The following FGFR1 variants were observed in gnomAD, a reference collection of about 807,000 sequenced individuals.
The protein encoded by FGFR1 is FGFR1/PLAG1 fusion.
In FGFR1, 18 loss-of-function variants were observed where a neutral mutation model predicts 93.7. That is an observed-to-expected ratio of 0.19 (90% CI 0.13 to 0.28). The LOEUF (loss-of-function observed/expected upper bound fraction) is 0.28. FGFR1 is among the 10% of genes least tolerant of loss of function. FGFR1 has a pLI of 1.00. For missense variants in FGFR1, 731 were observed against 1,080.4 expected (o/e 0.68, Z 4.53); for synonymous variants, 448 against 429.3 (o/e 1.04, Z -0.54).
chr8:38,467,036 AACGGT>A (rs932472422), intron 1 of FGFR1, among the ~76,000 whole-genome samples: 4 of 152,010 alleles, frequency 2.6e-5, no homozygotes, highest in Non-Finnish European at 4.4e-5. Context: ...CCCCAAACAT[AACGGT>A]AGGGGAAGCG....
rs1338752859 is a variant in FGFR1, at chr8:38,468,196, C to G, written c.-304G>C. The G allele has an allele frequency of 1.3e-5, 3 of 228,600 alleles. No homozygotes were observed. The highest frequency in any genetic ancestry group is 2.2e-5 in the African/African-American group (1 of 45,018). 14.2% of individuals were successfully genotyped at this position (228,600 alleles called of 1,614,324 possible). Reference sequence around the variant, plus strand: ...AACAATGGAGCCGGAGCTGGTGCCCCGGAGGCGGGGCGGGGGGAGGGCTCC... The same window carrying G: ...AACAATGGAGCCGGAGCTGGTGCCCGGGAGGCGGGGCGGGGGGAGGGCTCC... On this transcript the variant is annotated 5_prime_UTR_variant, in exon 1 of 18. Coordinates refer to ENST00000447712, the MANE Select transcript of FGFR1 (RefSeq NM_023110.3).
At chr8:38,442,165 C>T (rs1387059471) in intron 2 of FGFR1, among the ~76,000 whole-genome samples, 7 of 152,076 alleles carry the variant, frequency 4.6e-5, no homozygotes, top group Admixed American at 1.3e-4. Context: ...TAGAAAGCTC[C>T]CAGGATCTGG....
At chr8:38,456,045 G>C (rs1832729723) in intron 2 of FGFR1, among the ~76,000 whole-genome samples, 1 of 152,096 alleles carries the variant, frequency 6.6e-6, no homozygotes, top group South Asian at 2.1e-4. Flanking sequence ...CTTCTATAAA[G>C]TCTCACACAA....
In FGFR1 at chr8:38,424,765, C is replaced by G; in HGVS notation, c.746-66G>C. The G allele has an allele frequency of 1.3e-6, 2 of 1,537,988 alleles. No individual in the cohort carries two copies. The highest frequency in any genetic ancestry group is 1.8e-6 in the Non-Finnish European group (2 of 1,126,792). ...TGCCATGGCTAAAGAGGGGTGGGCTCACCTGCGCCCCACTTGGCTTTCCCA... is the reference window on the plus strand; with the variant it reads ...TGCCATGGCTAAAGAGGGGTGGGCTGACCTGCGCCCCACTTGGCTTTCCCA... On this transcript the variant is annotated intron_variant, in intron 6 of 17. Transcript: ENST00000447712. The surrounding 1 kb of genome is among the most constrained non-coding windows in gnomAD (Gnocchi z 4.3).
intron 8 of FGFR1, 106 bp from the exon 9 acceptor site, chr8:38,419,841 T>C (rs1188415169): frequency 7.4e-6 from 7 of 940,236 alleles, no homozygotes; most frequent in Non-Finnish European, 1.2e-5. Context: ...TGGGAACTTT[T>C]AGGGAGAAGA....
intron 2 of FGFR1, chr8:38,440,295 T>G: frequency 6.2e-7 from 1 of 1,603,266 alleles, no homozygotes; most frequent in African/African-American, 1.3e-5. Flanking sequence ...GAAATGGAAC[T>G]GAAAACTTAC....
rs569502868 is a variant in FGFR1 at position 38,419,879 on chromosome 8, G to T, written c.1082-144C>A. On this transcript the variant is annotated intron_variant, in intron 8 of 17. Coordinates refer to ENST00000447712, the MANE Select transcript of FGFR1 (RefSeq NM_023110.3). Reference sequence around the variant, plus strand: ...CATGGCAAGTTCTAGCTAGGACTGGGATTGTGGCACTAGGAGGATCAGGCA... The same window carrying T: ...CATGGCAAGTTCTAGCTAGGACTGGTATTGTGGCACTAGGAGGATCAGGCA... 1.3e-5 allele frequency: 9 copies of T among 678,208 alleles called. No homozygotes were observed. In the East Asian group the frequency reaches 1.6e-4, roughly 12 times the overall value. 42.0% of individuals were successfully genotyped at this position (678,208 alleles called of 1,614,324 possible).
intron 1 of FGFR1, chr8:38,466,247 C>G (rs62505473): frequency 0.36 from 83,733 of 232,332 alleles, 15,615 homozygotes; most frequent in South Asian, 0.52. Flanking sequence ...GCGCACCGGG[C>G]TTGCTCCGGG....
rs1260234772 is a variant in FGFR1 at position 38,417,924 on chromosome 8, G to A, written c.1498C>T (p.Leu500=). 1 of 1,614,170 alleles carries A rather than the reference G, an allele frequency of 6.2e-7. No homozygotes were observed. Among genetic ancestry groups the A allele is most frequent in the South Asian group, 1.1e-5 (1 of 91,074 alleles). The stretch of plus-strand genomic sequence containing the variant: ...ACACGGTTGGGTTTGTCCTTGTCCA[G>A]CCCGATAGCCTCTGCCAACACCACC... ...GQVVLAEAIG[L]DKDKPNRVTK... is the part of the protein sequence containing the mutation. The change falls in exon 11 of 18, where the codon CTG becomes TTG. Residue 500 remains leucine, a synonymous_variant. Transcript: ENST00000447712.
At chr8:38,461,079 G>A (rs2151425241) in intron 1 of FGFR1, 2 of 1,536,000 alleles carry the variant, frequency 1.3e-6, no homozygotes, top group Non-Finnish European at 1.7e-6. Flanking sequence ...CTCATCAGAG[G>A]GGGCTGAAAT....
intron 2 of FGFR1, among the ~76,000 whole-genome samples, chr8:38,451,046 C>A (rs536436962): frequency 1.3e-5 from 2 of 152,166 alleles, no homozygotes; most frequent in Non-Finnish European, 2.9e-5. Context: ...TCTGGGGAAA[C>A]CTGTTATGAG....
At chr8:38,444,798 C>A (rs1828782965) in intron 2 of FGFR1, among the ~76,000 whole-genome samples, 1 of 152,122 alleles carries the variant, frequency 6.6e-6, no homozygotes, top group Admixed American at 6.6e-5. Context: ...CTAGAACAAT[C>A]CTGGGAAAAG....
At chr8:38,419,774 GC>G in intron 8 of FGFR1, 39 bp from the exon 9 acceptor site, 1 of 1,585,714 alleles carries the variant, frequency 6.3e-7, no homozygotes, top group Non-Finnish European at 8.6e-7. Context: ...GGCTTGGAGG[GC>G]CCCGTCCATG....
intron 1 of FGFR1, among the ~76,000 whole-genome samples, chr8:38,458,397 TG>T (rs1159617058): frequency 2.0e-5 from 3 of 151,944 alleles, no homozygotes; most frequent in African/African-American, 7.3e-5. Flanking sequence ...AAAAATTAGC[TG>T]GGCATAGTGG....
rs558032878 is a variant in FGFR1, at chr8:38,430,543, T to TG, written c.92-596dup. ...CCCTCGACGCGTCAGATGCACATGCTGGGGGGGCAGCCCAAGGAGAGGTCA... is the reference window on the plus strand; with the variant it reads ...CCCTCGACGCGTCAGATGCACATGCTGGGGGGGGCAGCCCAAGGAGAGGTCA... On this transcript the variant is annotated intron_variant, in intron 2 of 17. Coordinates refer to ENST00000447712, the MANE Select transcript of FGFR1 (RefSeq NM_023110.3). The TG allele has an allele frequency of 1.4e-4, 21 of 153,708 alleles. No individual in the cohort carries two copies. In the South Asian group the frequency reaches 1.8e-3, roughly 13 times the overall value. 9.5% of individuals were successfully genotyped at this position (153,708 alleles called of 1,614,324 possible). A position where few individuals can be genotyped will look rare whatever the true frequency, so the allele number is the denominator to read the frequency against.
Position 38,429,491 on chromosome 8 carries a change from A to AC in FGFR1, c.358+190dup. On this transcript the variant is annotated intron_variant, in intron 3 of 17. Coordinates refer to ENST00000447712, the MANE Select transcript of FGFR1 (RefSeq NM_023110.3). This position sits in a 1 kb window ranked among gnomAD's most constrained non-coding sequence, Gnocchi z 4.4. ...CCCCAGATCTCCGGCCCTGGGGCCCACCCCACCTAGTCACCTCTCTGAGAG... is the reference window on the plus strand; with the variant it reads ...CCCCAGATCTCCGGCCCTGGGGCCCACCCCCACCTAGTCACCTCTCTGAGAG... The AC allele has an allele frequency of 1.4e-6, 1 of 736,238 alleles. No homozygotes were observed. Among genetic ancestry groups the AC allele is most frequent in the South Asian group, 1.5e-5 (1 of 64,872 alleles). 45.6% of individuals were successfully genotyped at this position (736,238 alleles called of 1,614,324 possible).
chr8:38,438,889 T>C (rs1826356521), intron 2 of FGFR1, among the ~76,000 whole-genome samples: 1 of 152,086 alleles, frequency 6.6e-6, no homozygotes. Context: ...TTCCCTCATT[T>C]CCTCAAGCCC....
rs1162682495 is a variant in FGFR1 at position 38,414,570 on chromosome 8, G to A, written c.2037C>T (p.His679=). ...PEALFDRIYT[H]QSDVWSFGVL... ...TATTACAAACTCACACATCACTCTGGTGGGTGTAGATCCGGTCAAATAATG... is the reference window on the plus strand; with the variant it reads ...TATTACAAACTCACACATCACTCTGATGGGTGTAGATCCGGTCAAATAATG... Residue 679 remains histidine (H), a synonymous_variant, in exon 15 of 18, where the codon CAC becomes CAT. Coordinates refer to ENST00000447712, the MANE Select transcript of FGFR1 (RefSeq NM_023110.3). The A allele has an allele frequency of 6.2e-7, 1 of 1,614,048 alleles. No homozygotes were observed. The highest frequency in any genetic ancestry group is 8.5e-7 in the Non-Finnish European group (1 of 1,179,998).
At position 38,424,759 on chromosome 8, in the gene FGFR1, T is replaced by TG; in HGVS notation, c.746-61dup. On this transcript the variant is annotated intron_variant, in intron 6 of 17. Coordinates refer to ENST00000447712, the MANE Select transcript of FGFR1 (RefSeq NM_023110.3). The surrounding 1 kb of genome is among the most constrained non-coding windows in gnomAD (Gnocchi z 4.3). ...GGACCTTGCCATGGCTAAAGAGGGG[T>TG]GGGCTCACCTGCGCCCCACTTGGCT... 5 of 1,558,792 alleles carry TG rather than the reference T, an allele frequency of 3.2e-6. No individual in the cohort carries two copies. Among genetic ancestry groups the TG allele is most frequent in the Non-Finnish European group, 4.4e-6 (5 of 1,141,616 alleles).
Sources: gnomAD v4.1 joint callset for allele counts (sites outside exome capture counted in the v4.1 genomes callset) on GRCh38, gnomAD v4.1.1 for gene constraint, Gnocchi (gnomAD v3.1) non-coding constraint, MANE v1.5 for transcripts, NCBI Gene and HGNC (gene_info 2026-07-23, HGNC 2026-07-21) for gene names.